The following MAST4 variants were observed in gnomAD, a reference collection of about 807,000 sequenced individuals.
The protein encoded by MAST4 is microtubule associated serine/threonine kinase family member 4.
In MAST4, 89 loss-of-function variants were observed where a neutral mutation model predicts 162.7. That is an observed-to-expected ratio of 0.55 (90% CI 0.46 to 0.65). MAST4 has a LOEUF of 0.65. MAST4 is among the 30% of genes least tolerant of loss of function. The probability of loss-of-function intolerance (pLI) is 0.00; values close to 1 mark genes in which losing one functional copy is unlikely to be tolerated. For synonymous variants in MAST4, 1,479 were observed against 1,361.1 expected, an observed-to-expected ratio of 1.09 and a Z score of -1.91; for missense variants, 3,153 against 3,374.0, an observed-to-expected ratio of 0.93 and a Z score of 1.62.
chr5:67,032,832 C>T (rs1755517869), intron 4 of MAST4, among the ~76,000 whole-genome samples: 1 of 151,976 alleles, frequency 6.6e-6, no homozygotes, highest in Non-Finnish European at 1.5e-5. Flanking sequence ...TACACAAACA[C>T]ACTTATAGTA....
intron 1 of MAST4, among the ~76,000 whole-genome samples, chr5:66,717,368 G>A (rs1324581417): frequency 3.3e-5 from 5 of 152,206 alleles, no homozygotes; most frequent in Non-Finnish European, 2.9e-5. Flanking sequence ...TGTAGGCAAA[G>A]GTCAAAGTGG....
intron 4 of MAST4, among the ~76,000 whole-genome samples, chr5:66,903,437 T>TG (rs1763137071): frequency 8.9e-6 from 1 of 112,566 alleles, no homozygotes; most frequent in Non-Finnish European, 1.9e-5. Flanking sequence ...CACACCTGTG[T>TG]TTGTGTGTGT....
chr5:66,888,013 C>T (rs1036825044), intron 3 of MAST4, among the ~76,000 whole-genome samples: 3 of 151,808 alleles, frequency 2.0e-5, no homozygotes, highest in Non-Finnish European at 2.9e-5. Flanking sequence ...TCGAGACCAT[C>T]CTGGCTAACA....
At chr5:67,019,862 T>C (rs1228288782) in intron 4 of MAST4, among the ~76,000 whole-genome samples, 1 of 152,164 alleles carries the variant, frequency 6.6e-6, no homozygotes, top group Non-Finnish European at 1.5e-5. Context: ...GGAATAGACT[T>C]CCAAAACCGT....
intron 3 of MAST4, among the ~76,000 whole-genome samples, chr5:66,833,014 T>C (rs528235424): frequency 6.6e-6 from 1 of 152,292 alleles, no homozygotes; most frequent in African/African-American, 2.4e-5. Context: ...GAAATAGATA[T>C]AGTACTGTAG....
At chr5:66,913,935 T>C (rs1317610664) in intron 4 of MAST4, among the ~76,000 whole-genome samples, 1 of 152,168 alleles carries the variant, frequency 6.6e-6, no homozygotes, top group Non-Finnish European at 1.5e-5. Context: ...TGTCAAAAAT[T>C]AGTTGTCTGT....
chr5:67,037,424 G>A (rs1756159075), intron 4 of MAST4, among the ~76,000 whole-genome samples: 1 of 152,046 alleles, frequency 6.6e-6, no homozygotes, highest in South Asian at 2.1e-4. Flanking sequence ...GACAGAACTG[G>A]ATCTGTATTA....
rs1773866475 is a variant in MAST4, at chr5:67,165,845, A to G, written c.6666A>G (p.Thr2222=). ...LSSQKPSVGA[T]KGKEPATQSL... ...CTCAGAAACCAAGTGTCGGGGCCAC[A>G]AAGGGCAAAGAGCCTGCCACTCAGT... Residue 2222 remains threonine (T), a synonymous_variant, in exon 29 of 29, where the codon ACA becomes ACG. Transcript: ENST00000403625. 1 of 1,613,140 alleles carries G rather than the reference A, an allele frequency of 6.2e-7. No individual in the cohort carries two copies. Among genetic ancestry groups the G allele is most frequent in the Non-Finnish European group, 8.5e-7 (1 of 1,179,878 alleles).
chr5:67,074,881 C>A (rs1761424556), intron 5 of MAST4, among the ~76,000 whole-genome samples: 1 of 152,132 alleles, frequency 6.6e-6, no homozygotes, highest in African/African-American at 2.4e-5. Context: ...TAAAGGTGAG[C>A]AGTTCTTTTC....
At chr5:67,136,340 T>TA (rs1192889331) in intron 18 of MAST4, among the ~76,000 whole-genome samples, 1 of 152,204 alleles carries the variant, frequency 6.6e-6, no homozygotes, top group African/African-American at 2.4e-5. Context: ...TCCTACCTTG[T>TA]AAAAAATCTA....
intron 12 of MAST4, among the ~76,000 whole-genome samples, chr5:67,118,370 A>G (rs986831938): frequency 6.6e-6 from 1 of 152,232 alleles, no homozygotes; most frequent in Non-Finnish European, 1.5e-5. Flanking sequence ...GATTCTAAGC[A>G]GAGTTGTTGA....
At chr5:66,777,780 G>T (rs1451509097) in intron 2 of MAST4, among the ~76,000 whole-genome samples, 2 of 152,120 alleles carry the variant, frequency 1.3e-5, no homozygotes, top group Non-Finnish European at 2.9e-5. Context: ...TTTTAGAAAG[G>T]TGTAGATAAG....
intron 1 of MAST4, among the ~76,000 whole-genome samples, chr5:66,706,317 A>C (rs997237122): frequency 6.6e-6 from 1 of 152,202 alleles, no homozygotes; most frequent in African/African-American, 2.4e-5. Context: ...GGCAGAGAGG[A>C]TTCAGTAAGT....
chr5:66,822,579 C>T (rs1757045978), intron 3 of MAST4, among the ~76,000 whole-genome samples: 2 of 152,114 alleles, frequency 1.3e-5, no homozygotes, highest in East Asian at 3.9e-4. Context: ...TAGAAAGAAG[C>T]CTGTTTCTGA....
intron 1 of MAST4, among the ~76,000 whole-genome samples, chr5:66,611,417 T>G (rs943261197): frequency 2.0e-5 from 3 of 152,228 alleles, no homozygotes; most frequent in African/African-American, 7.2e-5. Flanking sequence ...TGGTTTTCTC[T>G]CCTCTTCTCT....
chr5:66,917,097 T>C, intron 4 of MAST4: 1 of 713,454 alleles, frequency 1.4e-6, no homozygotes, highest in South Asian at 1.5e-5. Context: ...AGAATGCCCA[T>C]TTTCTACATT....
At chr5:66,970,426 G>A (rs1269295439) in intron 4 of MAST4, among the ~76,000 whole-genome samples, 1 of 152,148 alleles carries the variant, frequency 6.6e-6, no homozygotes, top group African/African-American at 2.4e-5. Flanking sequence ...CTATAAACTT[G>A]CAGAACCTAG....
intron 3 of MAST4, among the ~76,000 whole-genome samples, chr5:66,845,126 T>TATATATATATATACACACACAC (rs1358855625): frequency 3.0e-5 from 2 of 67,178 alleles, no homozygotes; most frequent in South Asian, 1.3e-3. Context: ...TATATATATA[T>TATATATATATATACACACACAC]ACACACACAC....
chr5:67,120,033 C>G (rs1767384339), intron 13 of MAST4, among the ~76,000 whole-genome samples: 1 of 152,214 alleles, frequency 6.6e-6, no homozygotes, highest in Non-Finnish European at 1.5e-5. Context: ...GTCTCGAAGT[C>G]TGTTTTCTGT....
Sources: allele counts gnomAD v4.1 joint callset (sites outside exome capture counted in the v4.1 genomes callset), GRCh38; gene constraint gnomAD v4.1.1; transcripts MANE v1.5; gene names NCBI Gene and HGNC (gene_info 2026-07-23, HGNC 2026-07-21).